The following UBAP2 variants were observed in gnomAD, a reference collection of about 807,000 sequenced individuals.
The protein encoded by UBAP2 is ubiquitin-associated protein 2.
UBAP2 carries 75 observed loss-of-function variants against 139.6 expected under a neutral mutation model. The observed-to-expected ratio is 0.54, with a 90% CI of 0.45 to 0.65. UBAP2 has a LOEUF of 0.65. Ranked by LOEUF, UBAP2 falls within the 30% of genes least tolerant of loss-of-function variation. UBAP2 has a pLI of 0.00. For synonymous variants in UBAP2, 526 were observed against 526.2 expected (o/e 1.00, Z 0.01); for missense variants, 1,368 against 1,369.6 (o/e 1.00, Z 0.02).
chr9:34,028,466 G>A (rs1406636236), intron 1 of UBAP2, among the ~76,000 whole-genome samples: 1 of 151,808 alleles, frequency 6.6e-6, no homozygotes, highest in Non-Finnish European at 1.5e-5. Context: ...TGCAACCTCT[G>A]CCTCTTGGGT....
At chr9:34,034,755 C>T (rs1488111321) in intron 1 of UBAP2, among the ~76,000 whole-genome samples, 3 of 152,008 alleles carry the variant, frequency 2.0e-5, no homozygotes, top group Admixed American at 2.0e-4. Context: ...AGCCTATAGT[C>T]CCAGCTACTG....
chr9:33,964,327 C>T (rs1380188918), intron 8 of UBAP2, among the ~76,000 whole-genome samples: 1 of 152,106 alleles, frequency 6.6e-6, no homozygotes, highest in Non-Finnish European at 1.5e-5. Flanking sequence ...CTGTATTCTA[C>T]AACAAATTGG....
At chr9:34,005,492 C>A (rs1394790486) in intron 2 of UBAP2, among the ~76,000 whole-genome samples, 1 of 148,600 alleles carries the variant, frequency 6.7e-6, no homozygotes, top group East Asian at 2.0e-4. Context: ...CTAAGTTTTT[C>A]TATTTCTTCT....
chr9:33,941,934 A>C, intron 15 of UBAP2, 72 bp from the exon 16 acceptor site: 1 of 1,082,660 alleles, frequency 9.2e-7, no homozygotes, highest in Non-Finnish European at 1.4e-6. Context: ...AAAAACATAA[A>C]CAGCTTCACG....
At chr9:33,976,717 C>T (rs834029) in intron 6 of UBAP2, among the ~76,000 whole-genome samples, 48,525 of 151,930 alleles carry the variant, frequency 0.32, 8,390 homozygotes, top group African/African-American at 0.45. Flanking sequence ...CTTTCTTAGG[C>T]TGGGAGCAGT....
intron 1 of UBAP2, among the ~76,000 whole-genome samples, chr9:34,028,804 A>T (rs1257238677): frequency 6.6e-6 from 1 of 151,904 alleles, no homozygotes; most frequent in African/African-American, 2.4e-5. Flanking sequence ...TCCTACAAAA[A>T]GGAAAAAAAA....
intron 1 of UBAP2, among the ~76,000 whole-genome samples, chr9:34,023,995 G>A (rs1000645881): frequency 2.6e-5 from 4 of 151,144 alleles, no homozygotes; most frequent in Admixed American, 1.3e-4. Flanking sequence ...AGGGAGCCGA[G>A]ATGGCGCCAT....
At chr9:33,932,937 A>G (rs1197273946) in intron 18 of UBAP2, among the ~76,000 whole-genome samples, 1 of 152,206 alleles carries the variant, frequency 6.6e-6, no homozygotes, top group Non-Finnish European at 1.5e-5. Context: ...ATCCCATTCA[A>G]TCTGTGAACG....
chr9:34,026,995 C>A (rs552707564), intron 1 of UBAP2, among the ~76,000 whole-genome samples: 1 of 152,264 alleles, frequency 6.6e-6, no homozygotes, highest in South Asian at 2.1e-4. Context: ...TCAGATCTCA[C>A]CTAGCTTCTC....
intron 1 of UBAP2, among the ~76,000 whole-genome samples, chr9:34,033,554 C>A (rs1039195653): frequency 2.0e-5 from 3 of 151,650 alleles, no homozygotes; most frequent in Admixed American, 6.6e-5. Context: ...AATAGGGTAA[C>A]TATAGTCAAT....
chr9:34,017,252 G>C (rs1824448654), intron 1 of UBAP2, 63 bp from the exon 2 acceptor site: 1 of 664,456 alleles, frequency 1.5e-6, no homozygotes, highest in South Asian at 3.0e-5. Flanking sequence ...GTACTTCAGA[G>C]AAAACAAGGA....
In UBAP2 at chr9:33,944,553, G is replaced by A; in HGVS notation, c.1357C>T (p.Pro453Ser). 1 of 1,614,182 alleles carries A rather than the reference G, an allele frequency of 6.2e-7. No individual in the cohort carries two copies. Among genetic ancestry groups the A allele is most frequent in the Non-Finnish European group, 8.5e-7 (1 of 1,180,038 alleles). Residue 453 changes from proline to serine, a missense_variant, in exon 14 of 29, where the codon CCT becomes TCT. Physicochemically the swap from Pro to Ser is moderately conservative, Grantham distance 74. Coordinates refer to ENST00000379238, the MANE Select transcript of UBAP2 (RefSeq NM_001370062.2). ...GAAGGAAAGGACTCCAAACCAGGAG[G>A]AGGAACAGTGACTGCCTGGCTCTGG... ...QHQSQAVTVP[P>S]PGLESFPSQA...
intron 1 of UBAP2, among the ~76,000 whole-genome samples, chr9:34,036,982 A>ATTTT (rs141751803): frequency 8.7e-5 from 5 of 57,434 alleles, no homozygotes; most frequent in Admixed American, 2.6e-4. Context: ...ACACCCAGCT[A>ATTTT]TTTTTTTTTT....
rs552882493 is a variant in UBAP2 at position 33,956,663 on chromosome 9, A to G, written c.799-517T>C. On this transcript the variant is annotated intron_variant, in intron 10 of 28. Transcript: ENST00000379238. Reference sequence around the variant, plus strand: ...GGTAATTTTAGATTGAAAGGCCTACAAGAATGACTTCAAATCAGGAAAATG... The same window carrying G: ...GGTAATTTTAGATTGAAAGGCCTACGAGAATGACTTCAAATCAGGAAAATG... Among the ~76,000 whole-genome samples, 14 of 152,248 alleles carry G rather than the reference A, an allele frequency of 9.2e-5. No homozygotes were observed. In the Middle Eastern group the frequency reaches 0.01, roughly 111 times the overall value.
intron 7 of UBAP2, among the ~76,000 whole-genome samples, chr9:33,972,762 T>G (rs1321438994): frequency 6.6e-6 from 1 of 152,222 alleles, no homozygotes; most frequent in Non-Finnish European, 1.5e-5. Flanking sequence ...AAATAAGCAT[T>G]ACATTTACTT....
intron 6 of UBAP2, among the ~76,000 whole-genome samples, chr9:33,974,601 A>G (rs751620810): frequency 1.3e-5 from 2 of 152,072 alleles, no homozygotes; most frequent in Non-Finnish European, 2.9e-5. Context: ...CTGATCACAG[A>G]GTAACATCTG....
At chr9:34,001,918 A>T (rs974962051) in intron 2 of UBAP2, among the ~76,000 whole-genome samples, 2 of 151,966 alleles carry the variant, frequency 1.3e-5, no homozygotes, top group African/African-American at 4.8e-5. Context: ...TAAAGTGACC[A>T]TCTAACACCA....
At chr9:33,974,938 A>AG (rs1828185826) in intron 6 of UBAP2, among the ~76,000 whole-genome samples, 8 of 65,058 alleles carry the variant, frequency 1.2e-4, no homozygotes, top group African/African-American at 4.8e-4. Context: ...ACTAAAAAAA[A>AG]AGGGGGGGGT....
At chr9:33,955,741 C>G (rs890685961) in intron 11 of UBAP2, among the ~76,000 whole-genome samples, 7 of 151,048 alleles carry the variant, frequency 4.6e-5, no homozygotes, top group African/African-American at 1.5e-4. Context: ...GCAGGAGAAT[C>G]ACTTGAACCC....
Sources: allele counts gnomAD v4.1 joint callset (sites outside exome capture counted in the v4.1 genomes callset), GRCh38; gene constraint gnomAD v4.1.1; transcripts MANE v1.5; gene names NCBI Gene and HGNC (gene_info 2026-07-23, HGNC 2026-07-21).